POP1: variants seen among roughly 807,000 people sequenced by gnomAD.
POP1 encodes POP1 ribonuclease P/MRP subunit.
A neutral mutation model predicts 102.2 loss-of-function variants in POP1; 75 were observed. That is an observed-to-expected ratio of 0.73 (90% CI 0.61 to 0.89). The LOEUF (loss-of-function observed/expected upper bound fraction) is 0.89. POP1 is among the 40% of genes least tolerant of loss of function. The probability of loss-of-function intolerance (pLI) is 0.00; values close to 1 mark genes in which losing one functional copy is unlikely to be tolerated. For missense variants in POP1, 1,116 were observed against 1,267.4 expected, an observed-to-expected ratio of 0.88 and a Z score of 1.81; for synonymous variants, 436 against 464.1, an observed-to-expected ratio of 0.94 and a Z score of 0.78.
At chr8:98,118,204 A>G (rs979190568) in intron 1 of POP1, among the ~76,000 whole-genome samples, 4 of 152,168 alleles carry the variant, frequency 2.6e-5, no homozygotes, top group African/African-American at 9.7e-5. Context: ...GCCTGGAATA[A>G]AAGACCTTTC....
At position 98,134,589 on chromosome 8, in the gene POP1, C is replaced by G; in HGVS notation, c.941C>G (p.Ser314Cys). 6.2e-7 allele frequency: 1 copy of G among 1,614,136 alleles called. No homozygotes were observed. Among genetic ancestry groups the G allele is most frequent in the Non-Finnish European group, 8.5e-7 (1 of 1,179,976 alleles). Residue 314 changes from serine to cysteine, a missense_variant, in exon 7 of 16, where the codon TCC becomes TGC. Coordinates refer to ENST00000401707, the MANE Select transcript of POP1 (RefSeq NM_001145860.2). The stretch of plus-strand genomic sequence containing the variant: ...GGGCCTGTTACGTTTATCTGGAAGT[C>G]CCAGAGGACCCCGGGTGACCCTTCT... The part of the protein sequence containing the change: ...MLGPVTFIWK[S>C]QRTPGDPSES...
At chr8:98,148,667 A>T in intron 12 of POP1, 148 bp from the exon 13 acceptor site, 1 of 756,106 alleles carries the variant, frequency 1.3e-6, no homozygotes, top group Middle Eastern at 3.7e-4. Flanking sequence ...CCTTATACTT[A>T]AAATGGCTCA....
Position 98,130,242 on chromosome 8 carries a change from G to A in POP1, c.735+16G>A. ...CCTCCTGCAGGTGAGCTTTTCCAGT[G>A]GGCTTTTTTTGTTATTTTTGTTTGA... is the stretch of plus-strand genomic sequence containing the variant. On this transcript the variant is annotated intron_variant, in intron 5 of 15. Transcript: ENST00000401707. 6.2e-7 allele frequency: 1 copy of A among 1,614,016 alleles called. No homozygotes were observed. Among genetic ancestry groups the A allele is most frequent in the Non-Finnish European group, 8.5e-7 (1 of 1,179,980 alleles).
At chr8:98,151,667 A>C (rs1039914556) in intron 14 of POP1, among the ~76,000 whole-genome samples, 5 of 151,398 alleles carry the variant, frequency 3.3e-5, no homozygotes, top group Non-Finnish European at 5.9e-5. Flanking sequence ...GGTGAGCTTC[A>C]TGAGGGCAGA....
At position 98,138,847 on chromosome 8, in the gene POP1, CT is replaced by C. The variant is rs369408285; in HGVS notation, c.1363-1212del. Among the ~76,000 whole-genome samples, 691 of 130,838 alleles carry C rather than the reference CT, an allele frequency of 5.3e-3. 3 individuals carry two copies. Among genetic ancestry groups the C allele is most frequent in the African/African-American group, 0.015 (538 of 35,034 alleles). 85.8% of individuals were successfully genotyped at this position (130,838 alleles called of 152,430 possible). ...GTAAATGGTACCTTTGTTATGATTG[CT>C]TTTTTTTTTTTTTTTTTTGTTTGAG... On this transcript the variant is annotated intron_variant, in intron 9 of 15. Transcript: ENST00000401707.
chr8:98,136,241 ATTT>A (rs942078043), intron 7 of POP1, among the ~76,000 whole-genome samples: 1 of 151,464 alleles, frequency 6.6e-6, no homozygotes, highest in African/African-American at 2.4e-5. Flanking sequence ...CCACCCAACT[ATTT>A]TTTGTATTTT....
In POP1 at chr8:98,152,503, G is replaced by A. The variant is rs570907900; in HGVS notation, c.2057+1864G>A. On this transcript the variant is annotated intron_variant, in intron 14 of 15. Coordinates refer to ENST00000401707, the MANE Select transcript of POP1 (RefSeq NM_001145860.2). ...GCTCCAAAGCAGCTGCAGATGACAC[G>A]TAAGAGAACGAGCACGGCTGTGTTC... Among the ~76,000 whole-genome samples the A allele has an allele frequency of 9.8e-5, 15 of 152,338 alleles. No individual in the cohort carries two copies. In the East Asian group the frequency reaches 2.7e-3, roughly 27 times the overall value.
In POP1 at chr8:98,140,751, T is replaced by A; in HGVS notation, c.1475-18T>A. ...TTATGAATGACTTTCTGTAAACTTC[T>A]TTTTGTTGTTGTTAAAGGAATAACA... On this transcript the variant is annotated intron_variant, in intron 10 of 15. Transcript: ENST00000401707. 6.2e-7 allele frequency: 1 copy of A among 1,613,112 alleles called. No homozygotes were observed. Among genetic ancestry groups the A allele is most frequent in the East Asian group, 2.2e-5 (1 of 44,868 alleles).
At chr8:98,157,322 C>T (rs1367157747) in intron 15 of POP1, among the ~76,000 whole-genome samples, 1 of 152,174 alleles carries the variant, frequency 6.6e-6, no homozygotes, top group Non-Finnish European at 1.5e-5. Flanking sequence ...CTTAGTGGCT[C>T]TTTATTTTCA....
Position 98,146,654 on chromosome 8 carries a change from A to G in POP1, c.1681A>G (p.Ser561Gly), listed in dbSNP as rs778519107. ...SFIWNQDICK[S>G]VTENKISDQD... is the part of the protein sequence containing the mutation. ...TATCTGGAACCAAGATATCTGTAAG[A>G]GTGTCACAGAGAATAAAATCTCGGA... is the stretch of plus-strand genomic sequence containing the variant. The change falls in exon 12 of 16, where the codon AGT becomes GGT. Residue 561 changes from serine (S) to glycine (G), a missense_variant. Physicochemically the swap from Ser to Gly is moderately conservative, Grantham distance 56. Transcript: ENST00000401707. The G allele has an allele frequency of 3.0e-5, 48 of 1,613,032 alleles. No individual in the cohort carries two copies. The highest frequency in any genetic ancestry group is 3.9e-5 in the Non-Finnish European group (46 of 1,179,134).
In POP1 at chr8:98,117,403, G is replaced by A; in HGVS notation, c.-3+13G>A. 2 of 398,490 alleles carry A rather than the reference G, an allele frequency of 5.0e-6. No individual in the cohort carries two copies. The highest frequency in any genetic ancestry group is 2.5e-5 in the South Asian group (1 of 39,564). The allele number at this position is 398,490 out of a possible 1,614,324, so 24.7% of individuals were successfully genotyped here. The stretch of plus-strand genomic sequence containing the variant: ...CAGCGTCTGGCAGGTTGGTCGTGAG[G>A]GGCTGGTGCCTTCCAGGATGCGAGT... On this transcript the variant is annotated intron_variant, in intron 1 of 15. Transcript: ENST00000401707.
intron 9 of POP1, among the ~76,000 whole-genome samples, chr8:98,137,939 G>A (rs973847455): frequency 6.6e-6 from 1 of 152,236 alleles, no homozygotes; most frequent in African/African-American, 2.4e-5. Context: ...GCCTCTCACT[G>A]ACTTGACGTG....
At chr8:98,143,991 T>TA (rs1349489127) in intron 11 of POP1, among the ~76,000 whole-genome samples, 1,563 of 138,922 alleles carry the variant, frequency 0.011, 21 homozygotes, top group African/African-American at 0.032. Context: ...CTGTCTCTAC[T>TA]AAAAAAAAAA....
intron 10 of POP1, 113 bp downstream of exon 10, chr8:98,140,302 C>T (rs1257540503): frequency 1.2e-6 from 1 of 803,784 alleles, no homozygotes; most frequent in East Asian, 2.6e-5. Context: ...TATTGTGACA[C>T]AGCAAGAGAA....
At chr8:98,150,937 T>C (rs367756811) in intron 14 of POP1, among the ~76,000 whole-genome samples, 5 of 152,356 alleles carry the variant, frequency 3.3e-5, no homozygotes, top group African/African-American at 1.2e-4. Flanking sequence ...AGATTTCTAC[T>C]ACCAACCCGT....
intron 2 of POP1, among the ~76,000 whole-genome samples, chr8:98,124,912 G>A (rs1333366106): frequency 6.6e-6 from 1 of 152,200 alleles, no homozygotes; most frequent in East Asian, 1.9e-4. Flanking sequence ...GACAGCAAAA[G>A]CAAGTGTCCA....
At position 98,149,025 on chromosome 8, in the gene POP1, C is replaced by G. The variant is rs762455441; in HGVS notation, c.1902+19C>G. The G allele has an allele frequency of 8.8e-6, 14 of 1,594,082 alleles. No homozygotes were observed. The highest frequency in any genetic ancestry group is 1.1e-5 in the Non-Finnish European group (13 of 1,165,046). ...TCCATTTGTAAGTTACTTTTTGATT[C>G]TAACAGTTGCAATATTTAAAATACA... On this transcript the variant is annotated intron_variant, in intron 13 of 15. Coordinates refer to ENST00000401707, the MANE Select transcript of POP1 (RefSeq NM_001145860.2).
chr8:98,135,588 G>A (rs1014927151), intron 7 of POP1, among the ~76,000 whole-genome samples: 9 of 151,966 alleles, frequency 5.9e-5, no homozygotes, highest in Non-Finnish European at 1.3e-4. Context: ...CCTAGCCCCA[G>A]CCCTAATTAA....
Position 98,158,315 on chromosome 8 carries a change from T to C in POP1, c.*44T>C. On this transcript the variant is annotated 3_prime_UTR_variant, in exon 16 of 16. Coordinates refer to ENST00000401707, the MANE Select transcript of POP1 (RefSeq NM_001145860.2). ...GCAGGGCATAGATAATACGTTATTA[T>C]TGTCTGCCAAGTTCTACATGTGGAG... 1.3e-6 allele frequency: 2 copies of C among 1,593,124 alleles called. No individual in the cohort carries two copies. Among genetic ancestry groups the C allele is most frequent in the African/African-American group, 2.7e-5 (2 of 74,886 alleles).
Sources: allele counts gnomAD v4.1 joint callset (sites outside exome capture counted in the v4.1 genomes callset), GRCh38; gene constraint gnomAD v4.1.1; transcripts MANE v1.5; gene names NCBI Gene and HGNC (gene_info 2026-07-23, HGNC 2026-07-21).